Variants in CAPN14 observed in about 807,000 individuals in gnomAD.
The protein encoded by CAPN14 is calpain-14.
In CAPN14, 94 loss-of-function variants were observed where a neutral mutation model predicts 101.3. The observed-to-expected ratio is 0.93, with a 90% CI of 0.79 to 1.10. CAPN14 has a LOEUF of 1.10. Ranked by LOEUF, CAPN14 falls within the 50% of genes least tolerant of loss-of-function variation. CAPN14 has a pLI of 0.00. For missense variants in CAPN14, 837 were observed against 828.4 expected (o/e 1.01, Z -0.13); for synonymous variants, 338 against 317.9 (o/e 1.06, Z -0.67).
intron 21 of CAPN14, among the ~76,000 whole-genome samples, 180 bp from the exon 22 acceptor site, chr2:31,174,887 C>T (rs1680217609): frequency 6.6e-6 from 1 of 152,214 alleles, no homozygotes; most frequent in South Asian, 2.1e-4. Context: ...CTTGACTTCT[C>T]ACGGTGCCTA....
At chr2:31,197,973 T>C (rs1681555490) in intron 7 of CAPN14, among the ~76,000 whole-genome samples, 1 of 150,482 alleles carries the variant, frequency 6.6e-6, no homozygotes, top group African/African-American at 2.4e-5. Flanking sequence ...GTTTTCAAGC[T>C]CCCCTGCCCC....
In CAPN14 at chr2:31,200,538, G is replaced by A. The variant is rs373065748; in HGVS notation, c.639C>T (p.Asn213=). The change falls in exon 6 of 22, where the codon AAC becomes AAT. Residue 213 remains asparagine, a synonymous_variant. Coordinates refer to ENST00000403897, the MANE Select transcript of CAPN14 (RefSeq NM_001145122.2). ...DFTGGVTMTI[N]LAEAHGNLWD... is the part of the protein sequence containing the mutation. ...AGAGGTTGCCATGGGCTTCTGCCAG[G>A]TTGATGGTCATTGTCACCCCTCCAG... The A allele has an allele frequency of 8.4e-6, 13 of 1,551,528 alleles. 1 individual carries two copies. In the African/African-American group the frequency reaches 1.1e-4, roughly 13 times the overall value.
At chr2:31,228,094 C>T (rs1374913517) in intron 1 of CAPN14, among the ~76,000 whole-genome samples, 2 of 152,222 alleles carry the variant, frequency 1.3e-5, no homozygotes, top group Non-Finnish European at 1.5e-5. Context: ...GGCACGCATG[C>T]GTGCATGGTT....
Position 31,192,050 on chromosome 2 carries a change from T to G in CAPN14, c.1163A>C (p.Glu388Ala), listed in dbSNP as rs530828026. Residue 388 changes from glutamate (E) to alanine (A), a missense_variant, in exon 11 of 22, where the codon GAG becomes GCG. Transcript: ENST00000403897. ...PQFLLSVWRP[E>A]EGRRSLRPCS... ...GGGCCTCAGGGATCTCCTGCCCTCC[T>G]CGGGCCTCCAGACAGACAGCAGGAA... 418 of 1,551,418 alleles carry G rather than the reference T, an allele frequency of 2.7e-4. 4 individuals are homozygous for G. The South Asian group carries it at 3.5e-3, about 13-fold the overall frequency.
intron 1 of CAPN14, among the ~76,000 whole-genome samples, chr2:31,209,957 C>T (rs1057474747): frequency 6.6e-6 from 1 of 152,188 alleles, no homozygotes; most frequent in Non-Finnish European, 1.5e-5. Flanking sequence ...AGCAGATTGC[C>T]TGGTCCTATG....
chr2:31,219,266 C>T (rs375913780), upstream of CAPN14, among the ~76,000 whole-genome samples: 2 of 151,958 alleles, frequency 1.3e-5, no homozygotes, highest in African/African-American at 4.8e-5. Context: ...AGTTATTGTC[C>T]TGGGTGACAG....
rs1321623168 is a variant in CAPN14, at chr2:31,200,468, A to G, written c.709T>C (p.Cys237Arg). The stretch of plus-strand genomic sequence containing the variant: ...AGTCTCACCCCTGAGTGGGTCTGGC[A>G]GCCAATGAGGGTTCTGTTGTAGGTG... The part of the protein sequence containing the change: ...EATYNRTLIG[C>R]QTHSGEKILE... Residue 237 changes from cysteine to arginine, a missense_variant, in exon 6 of 22, where the codon TGC becomes CGC. Physicochemically the swap from Cys to Arg is radical, Grantham distance 180 (BLOSUM62 -3). Coordinates refer to ENST00000403897, the MANE Select transcript of CAPN14 (RefSeq NM_001145122.2). The G allele has an allele frequency of 2.6e-6, 4 of 1,549,928 alleles. No homozygotes were observed. Among genetic ancestry groups the G allele is most frequent in the Non-Finnish European group, 3.5e-6 (4 of 1,146,764 alleles).
At chr2:31,193,060 C>G (rs149882609) in intron 10 of CAPN14, 71 bp downstream of exon 10, 6 of 1,417,938 alleles carry the variant, frequency 4.2e-6, no homozygotes, top group East Asian at 2.5e-5. Flanking sequence ...GCTGCAACCC[C>G]CTGTGCAGTC....
chr2:31,225,579 T>C (rs551138256), intron 2 of CAPN14, among the ~76,000 whole-genome samples: 59 of 152,234 alleles, frequency 3.9e-4, no homozygotes, highest in Non-Finnish European at 7.4e-4. Flanking sequence ...AGAAACAGAA[T>C]AGATAACTCT....
intron 1 of CAPN14, among the ~76,000 whole-genome samples, chr2:31,227,354 G>T (rs780428329): frequency 5.3e-5 from 8 of 152,036 alleles, no homozygotes; most frequent in Non-Finnish European, 8.8e-5. Flanking sequence ...GGTATGAATG[G>T]GGAGTGTTAT....
intron 10 of CAPN14, 142 bp downstream of exon 10, chr2:31,192,989 G>A: frequency 2.5e-6 from 2 of 803,612 alleles, no homozygotes; most frequent in Non-Finnish European, 3.9e-6. Context: ...TATAGCCCAG[G>A]GCCCCAACAC....
intron 1 of CAPN14, chr2:31,228,179 C>A (rs1288143503): frequency 6.6e-6 from 1 of 152,262 alleles, no homozygotes; most frequent in African/African-American, 2.4e-5. Context: ...ATTATGGACA[C>A]TTGGTCCCAC....
chr2:31,222,078 C>T (rs1218852374), upstream of CAPN14, among the ~76,000 whole-genome samples: 1 of 152,156 alleles, frequency 6.6e-6, no homozygotes, highest in African/African-American at 2.4e-5. Flanking sequence ...TCTCTATGTA[C>T]AGAAAATAAC....
intron 20 of CAPN14, among the ~76,000 whole-genome samples, 168 bp from the exon 21 acceptor site, chr2:31,176,810 A>C (rs1680315562): frequency 6.6e-6 from 1 of 152,274 alleles, no homozygotes; most frequent in Non-Finnish European, 1.5e-5. Context: ...TAAGTGAGCC[A>C]CTTCAAGCCT....
chr2:31,204,805 T>G (rs992083117), intron 2 of CAPN14, among the ~76,000 whole-genome samples: 2 of 152,180 alleles, frequency 1.3e-5, no homozygotes, highest in Non-Finnish European at 2.9e-5. Context: ...AGCATTTCCC[T>G]GAGTCCTGTG....
intron 17 of CAPN14, among the ~76,000 whole-genome samples, chr2:31,179,113 G>A (rs1167796733): frequency 7.0e-6 from 1 of 142,578 alleles, no homozygotes; most frequent in East Asian, 2.1e-4. Flanking sequence ...TAGGGTACAT[G>A]TGCACAATGT....
Position 31,197,496 on chromosome 2 carries a change from T to G in CAPN14, c.790-162A>C, listed in dbSNP as rs75455677. ...GGCTCTGCTTCTTGTACTTACAAGC[T>G]GTGAGACCTAGGGCAAATCAGCTAA... On this transcript the variant is annotated intron_variant, in intron 7 of 21. Coordinates refer to ENST00000403897, the MANE Select transcript of CAPN14 (RefSeq NM_001145122.2). Among the ~76,000 whole-genome samples, 1,419 of 152,342 alleles carry G rather than the reference T, an allele frequency of 9.3e-3. 30 individuals are homozygous for G. Among genetic ancestry groups the G allele is most frequent in the African/African-American group, 0.032 (1,349 of 41,584 alleles).
In CAPN14 at chr2:31,230,646, T is replaced by C. The variant is rs1338171366; in HGVS notation, c.-177+3145A>G. On this transcript the variant is annotated intron_variant and NMD_transcript_variant, in intron 1 of 21. Transcript: ENST00000398824. This position sits in a 1 kb window ranked among gnomAD's most constrained non-coding sequence, Gnocchi z 4.3. ...GTTTATAGGGCATTCATGTAGCCTC[T>C]TGTAAAAGACATTTTTGTAGCTCTT... is the stretch of plus-strand genomic sequence containing the variant. Among the ~76,000 whole-genome samples the C allele has an allele frequency of 6.6e-6, 1 of 152,220 alleles. No individual in the cohort carries two copies. The highest frequency in any genetic ancestry group is 2.4e-5 in the African/African-American group (1 of 41,454).
chr2:31,226,434 A>C (rs986559685), intron 2 of CAPN14: 1 of 152,214 alleles, frequency 6.6e-6, no homozygotes, highest in Non-Finnish European at 1.5e-5. Context: ...CAGTGCCTGC[A>C]CCAGCCCTGT....
Sources: allele counts gnomAD v4.1 joint callset (sites outside exome capture counted in the v4.1 genomes callset), GRCh38; gene constraint gnomAD v4.1.1; non-coding constraint Gnocchi (gnomAD v3.1); transcripts MANE v1.5; gene names NCBI Gene and HGNC (gene_info 2026-07-23, HGNC 2026-07-21).